The following GRIK2 variants were observed in gnomAD, a reference collection of about 807,000 sequenced individuals.
GRIK2 encodes the protein glutamate ionotropic receptor kainate type subunit 2.
In GRIK2, 32 loss-of-function variants were observed where a neutral mutation model predicts 100.3. That is an observed-to-expected ratio of 0.32 (90% confidence interval 0.24 to 0.43). GRIK2 has a LOEUF of 0.43. Among genes scored for constraint, GRIK2 ranks in the 20% least tolerant of loss-of-function variants. The probability of loss-of-function intolerance (pLI) is 1.00; values close to 1 mark genes in which losing one functional copy is unlikely to be tolerated. For synonymous variants in GRIK2, 417 were observed against 389.4 expected, an observed-to-expected ratio of 1.07 and a Z score of -0.83; for missense variants, 843 against 1,114.9, an observed-to-expected ratio of 0.76 and a Z score of 3.47.
intron 7 of GRIK2, among the ~76,000 whole-genome samples, chr6:101,715,349 C>A (rs1162212161): frequency 6.6e-6 from 1 of 151,726 alleles, no homozygotes; most frequent in Admixed American, 6.6e-5. Flanking sequence ...GATCCCCCAC[C>A]TGAACTGAAG....
chr6:101,801,882 C>G (rs1780693674), intron 8 of GRIK2, among the ~76,000 whole-genome samples: 1 of 151,838 alleles, frequency 6.6e-6, no homozygotes, highest in Admixed American at 6.6e-5. Context: ...TATAACATAG[C>G]TTTTCCTGGA....
intron 14 of GRIK2, among the ~76,000 whole-genome samples, chr6:102,019,627 T>C (rs754276888): frequency 5.3e-5 from 8 of 152,138 alleles, no homozygotes; most frequent in Admixed American, 2.0e-4. Flanking sequence ...ATACATGAGA[T>C]TTGTGTCAGT....
intron 7 of GRIK2, among the ~76,000 whole-genome samples, chr6:101,742,347 A>G (rs998218619): frequency 2.0e-5 from 3 of 152,102 alleles, no homozygotes; most frequent in Admixed American, 1.3e-4. Flanking sequence ...TTTGTGGGAT[A>G]AAGAATCAGG....
chr6:101,685,783 C>CA (rs201245961), intron 6 of GRIK2, among the ~76,000 whole-genome samples: 7,844 of 143,186 alleles, frequency 0.055, 251 homozygotes, highest in East Asian at 0.14. Context: ...GAAACACTGA[C>CA]AAAAAAAAAA....
intron 2 of GRIK2, among the ~76,000 whole-genome samples, chr6:101,548,469 CTTT>C (rs1776355759): frequency 6.6e-6 from 1 of 152,172 alleles, no homozygotes; most frequent in South Asian, 2.1e-4. Flanking sequence ...ACGTTTAAGT[CTTT>C]AATCCATCTT....
intron 15 of GRIK2, among the ~76,000 whole-genome samples, chr6:102,049,507 G>A (rs909300513): frequency 2.0e-5 from 3 of 152,084 alleles, no homozygotes; most frequent in Non-Finnish European, 4.4e-5. Flanking sequence ...TTAGAAACAA[G>A]TTTTATTTAA....
chr6:101,646,144 G>C (rs1781515959), intron 4 of GRIK2, among the ~76,000 whole-genome samples: 1 of 151,922 alleles, frequency 6.6e-6, no homozygotes, highest in East Asian at 1.9e-4. Context: ...GTTTTCTTTA[G>C]AACTGTGTCC....
At chr6:101,556,208 A>G (rs926880751) in intron 2 of GRIK2, among the ~76,000 whole-genome samples, 14 of 151,534 alleles carry the variant, frequency 9.2e-5, no homozygotes, top group African/African-American at 3.1e-4. Context: ...AATAATGAAC[A>G]TGTAATCTTA....
chr6:101,914,572 T>C lies in GRIK2; in HGVS notation c.1749-10029T>C, dbSNP rs927678667. On this transcript the variant is annotated intron_variant, in intron 12 of 16. Coordinates refer to ENST00000369134, the MANE Select transcript of GRIK2 (RefSeq NM_021956.5). ...ATTATAGTCCTTGCAATGTGGGAGTTACTTTGGTTTGGAGTGTGAGTCGTA... is the reference window on the plus strand; with the variant it reads ...ATTATAGTCCTTGCAATGTGGGAGTCACTTTGGTTTGGAGTGTGAGTCGTA... Among the ~76,000 whole-genome samples the C allele has an allele frequency of 2.6e-5, 4 of 151,644 alleles. No homozygotes were observed. In the East Asian group the frequency reaches 7.8e-4, roughly 29 times the overall value.
intron 2 of GRIK2, among the ~76,000 whole-genome samples, chr6:101,539,148 ACT>A (rs1775866271): frequency 6.6e-6 from 1 of 151,706 alleles, no homozygotes; most frequent in Admixed American, 6.6e-5. Context: ...ATTAACACAG[ACT>A]CTTAAAATAA....
Position 101,681,470 on chromosome 6 carries a change from A to G in GRIK2, c.724-1083A>G, listed in dbSNP as rs567999316. Among the ~76,000 whole-genome samples, 12 of 149,754 alleles carry G rather than the reference A, an allele frequency of 8.0e-5. No individual in the cohort carries two copies. In the South Asian group the frequency reaches 1.3e-3, roughly 16 times the overall value. On this transcript the variant is annotated intron_variant, in intron 5 of 16. Coordinates refer to ENST00000369134, the MANE Select transcript of GRIK2 (RefSeq NM_021956.5). ...GTTACCAAGGCTGGTCTTGGGCTCA[A>G]CCAGTCCTCCTGCCTTGGTTTCCCG... is the stretch of plus-strand genomic sequence containing the variant.
intron 16 of GRIK2, among the ~76,000 whole-genome samples, chr6:102,059,541 C>CT (rs1318339747): frequency 6.6e-6 from 1 of 151,028 alleles, no homozygotes; most frequent in African/African-American, 2.4e-5. Flanking sequence ...TTGTGTCCCT[C>CT]TTCTAAGACT....
At chr6:101,793,504 A>G (rs186691046) in intron 7 of GRIK2, among the ~76,000 whole-genome samples, 327 of 152,290 alleles carry the variant, frequency 2.1e-3, no homozygotes, top group African/African-American at 7.5e-3. Flanking sequence ...TATCAGCAGC[A>G]GTGTCTGCAG....
intron 2 of GRIK2, among the ~76,000 whole-genome samples, chr6:101,537,139 A>T (rs1444504795): frequency 6.6e-6 from 1 of 151,734 alleles, no homozygotes; most frequent in Non-Finnish European, 1.5e-5. Flanking sequence ...TGATCTATTT[A>T]TTCCCGTGGA....
intron 2 of GRIK2, among the ~76,000 whole-genome samples, chr6:101,436,585 G>A (rs1769729902): frequency 6.6e-6 from 1 of 151,924 alleles, no homozygotes; most frequent in Non-Finnish European, 1.5e-5. Flanking sequence ...TTTTATGTGG[G>A]AGCAAGAACT....
intron 14 of GRIK2, among the ~76,000 whole-genome samples, chr6:101,958,841 T>C (rs1792108671): frequency 6.6e-6 from 1 of 152,136 alleles, no homozygotes; most frequent in Non-Finnish European, 1.5e-5. Context: ...TTAATTTGCA[T>C]GTGTTGAACC....
intron 7 of GRIK2, among the ~76,000 whole-genome samples, chr6:101,786,687 C>G (rs1779442183): frequency 6.6e-6 from 1 of 151,990 alleles, no homozygotes; most frequent in African/African-American, 2.4e-5. Flanking sequence ...TTGAATTTAG[C>G]TTGCTACTGT....
chr6:101,892,976 C>T (rs1787204002), intron 12 of GRIK2, among the ~76,000 whole-genome samples: 1 of 151,216 alleles, frequency 6.6e-6, no homozygotes, highest in African/African-American at 2.4e-5. Context: ...AAAATATACT[C>T]TGACATAGTA....
chr6:102,044,989 T>G (rs1192842310), intron 15 of GRIK2, among the ~76,000 whole-genome samples: 1 of 152,060 alleles, frequency 6.6e-6, no homozygotes, highest in Non-Finnish European at 1.5e-5. Flanking sequence ...ATATTACAAT[T>G]TTTAAAGTAT....
Sources: allele counts gnomAD v4.1 joint callset (sites outside exome capture counted in the v4.1 genomes callset), GRCh38; gene constraint gnomAD v4.1.1; transcripts MANE v1.5; gene names NCBI Gene and HGNC (gene_info 2026-07-23, HGNC 2026-07-21).